Variants in COL19A1 observed in about 807,000 individuals in gnomAD.
COL19A1 encodes collagen alpha-1(XIX) chain.
In COL19A1, 159 loss-of-function variants were observed where a neutral mutation model predicts 190.2. The observed-to-expected ratio is 0.84, with a 90% CI of 0.73 to 0.95. COL19A1 has a LOEUF of 0.95. Among genes scored for constraint, COL19A1 ranks in the 40% least tolerant of loss-of-function variants. The pLI is 0.00. For synonymous variants in COL19A1, 509 were observed against 458.9 expected (o/e 1.11, Z -1.39); for missense variants, 1,418 against 1,431.9 (o/e 0.99, Z 0.16).
At chr6:70,175,505 A>C (rs1765747937) in intron 41 of COL19A1, among the ~76,000 whole-genome samples, 1 of 152,072 alleles carries the variant, frequency 6.6e-6, no homozygotes, top group Admixed American at 6.5e-5. Context: ...TTTTTCAATG[A>C]AATTATCCAA....
At chr6:70,125,856 G>A (rs1785162616) in intron 17 of COL19A1, among the ~76,000 whole-genome samples, 1 of 152,132 alleles carries the variant, frequency 6.6e-6, no homozygotes, top group Admixed American at 6.6e-5. Flanking sequence ...CCAGTAAACT[G>A]CACTTCATTG....
At chr6:70,001,930 C>T (rs1201222974) in intron 11 of COL19A1, among the ~76,000 whole-genome samples, 1 of 152,142 alleles carries the variant, frequency 6.6e-6, no homozygotes, top group Non-Finnish European at 1.5e-5. Flanking sequence ...GAGAGGGCAT[C>T]TGTGTCTTGT....
chr6:70,106,014 G>T (rs577903217), intron 16 of COL19A1, among the ~76,000 whole-genome samples: 1 of 152,086 alleles, frequency 6.6e-6, no homozygotes, highest in Non-Finnish European at 1.5e-5. Flanking sequence ...CAGGAGGCAT[G>T]ATTTTTTTAT....
intron 1 of COL19A1, among the ~76,000 whole-genome samples, chr6:69,876,953 C>A (rs1304275283): frequency 1.3e-5 from 2 of 152,142 alleles, no homozygotes; most frequent in Non-Finnish European, 2.9e-5. Context: ...ATTGCAATTG[C>A]CACTTCTAGC....
chr6:70,067,133 C>A (rs1781281234), intron 14 of COL19A1, among the ~76,000 whole-genome samples: 2 of 152,128 alleles, frequency 1.3e-5, no homozygotes, highest in Non-Finnish European at 1.5e-5. Context: ...CACTAGGAGA[C>A]TGAAACAAGG....
chr6:69,942,160 A>G (rs567248261), intron 9 of COL19A1, among the ~76,000 whole-genome samples: 13 of 152,330 alleles, frequency 8.5e-5, no homozygotes, highest in African/African-American at 3.1e-4. Context: ...AAGATTTGAG[A>G]ATACAACTTC....
chr6:70,167,922 T>C (rs1381162974), intron 37 of COL19A1, 103 bp from the exon 38 acceptor site: 2 of 828,590 alleles, frequency 2.4e-6, no homozygotes, highest in Non-Finnish European at 3.7e-6. Flanking sequence ...TAGAAAAAAG[T>C]AAAAAATAGA....
At chr6:69,923,038 A>G (rs1447683706) in intron 4 of COL19A1, among the ~76,000 whole-genome samples, 1 of 152,194 alleles carries the variant, frequency 6.6e-6, no homozygotes, top group Non-Finnish European at 1.5e-5. Flanking sequence ...TGTTTTTATT[A>G]TCTTTTGCTT....
At chr6:70,023,927 G>A (rs1024019986) in intron 12 of COL19A1, among the ~76,000 whole-genome samples, 1 of 152,086 alleles carries the variant, frequency 6.6e-6, no homozygotes, top group African/African-American at 2.4e-5. Flanking sequence ...TTTCTTGCTT[G>A]CAAATTTTCT....
chr6:70,160,718 G>A (rs1227167288), intron 34 of COL19A1, among the ~76,000 whole-genome samples: 1 of 152,046 alleles, frequency 6.6e-6, no homozygotes, highest in Non-Finnish European at 1.5e-5. Flanking sequence ...TGATAATCCA[G>A]AATTCTAAAA....
At chr6:69,878,890 A>G (rs1338107341) in intron 1 of COL19A1, among the ~76,000 whole-genome samples, 1 of 152,210 alleles carries the variant, frequency 6.6e-6, no homozygotes, top group Non-Finnish European at 1.5e-5. Flanking sequence ...GAAGTTCTGA[A>G]ACAATGTACA....
At chr6:70,119,427 C>T (rs373606288) in intron 16 of COL19A1, among the ~76,000 whole-genome samples, 5 of 152,076 alleles carry the variant, frequency 3.3e-5, no homozygotes, top group Admixed American at 2.0e-4. Context: ...AGAAGTGCTA[C>T]GTAGAAGTTT....
In COL19A1 at chr6:70,209,917, T is replaced by C. The variant is rs1302937487; in HGVS notation, c.*2643T>C. 3 of 152,158 alleles carry C rather than the reference T, an allele frequency of 2.0e-5. No homozygotes were observed. The highest frequency in any genetic ancestry group is 4.4e-5 in the Non-Finnish European group (3 of 67,996). The allele number at this position is 152,158 out of a possible 1,614,324, so 9.4% of individuals were successfully genotyped here. On this transcript the variant is annotated 3_prime_UTR_variant, in exon 51 of 51. Coordinates refer to ENST00000620364, the MANE Select transcript of COL19A1 (RefSeq NM_001858.6). Reference sequence around the variant, plus strand: ...TTCGGCAGTTGCCCAATTCCTTTAATAAAAAGAAACTAAATAATTTGGGCC... The same window carrying C: ...TTCGGCAGTTGCCCAATTCCTTTAACAAAAAGAAACTAAATAATTTGGGCC...
At chr6:70,113,579 T>C (rs1334387754) in intron 16 of COL19A1, among the ~76,000 whole-genome samples, 1 of 152,192 alleles carries the variant, frequency 6.6e-6, no homozygotes, top group Non-Finnish European at 1.5e-5. Context: ...TCTTCCACCA[T>C]CTTATAAGCG....
chr6:69,916,850 A>G (rs1315154124), intron 4 of COL19A1, among the ~76,000 whole-genome samples: 4 of 152,232 alleles, frequency 2.6e-5, no homozygotes, highest in Non-Finnish European at 5.9e-5. Context: ...GAAAGCTCAA[A>G]AAGATACAAG....
chr6:70,164,734 T>C (rs1465271475), intron 36 of COL19A1, among the ~76,000 whole-genome samples: 1 of 152,208 alleles, frequency 6.6e-6, no homozygotes, highest in Non-Finnish European at 1.5e-5. Flanking sequence ...TCCTTGTTTG[T>C]TGACTCATTA....
chr6:70,163,363 A>G lies in COL19A1; in HGVS notation c.2367A>G (p.Gly789=). 3 of 1,612,586 alleles carry G rather than the reference A, an allele frequency of 1.9e-6. No individual in the cohort carries two copies. The highest frequency in any genetic ancestry group is 1.7e-6 in the Non-Finnish European group (2 of 1,179,184). ...TACAGGGCTTAATGGGAAGAACTGG[A>G]CATCCTGGTCCCACAGGAGCAAAAG... is the stretch of plus-strand genomic sequence containing the variant. The part of the protein sequence containing the change: ...TGPPGLMGRT[G]HPGPTGAKGE... The change falls in exon 36 of 51, where the codon GGA becomes GGG. Residue 789 remains glycine, a synonymous_variant. Coordinates refer to ENST00000620364, the MANE Select transcript of COL19A1 (RefSeq NM_001858.6).
chr6:70,048,503 C>T (rs771518399), intron 14 of COL19A1, among the ~76,000 whole-genome samples: 7 of 151,940 alleles, frequency 4.6e-5, no homozygotes, highest in East Asian at 1.9e-4. Context: ...AGAAAACCTA[C>T]GTGGTTTAAG....
At chr6:69,921,120 T>C in intron 4 of COL19A1, among the ~76,000 whole-genome samples, 1 of 113,176 alleles carries the variant, frequency 8.8e-6, no homozygotes, top group African/African-American at 3.6e-5. Context: ...TACATATATA[T>C]CACATATGTA....
Sources: gnomAD v4.1 joint callset for allele counts (sites outside exome capture counted in the v4.1 genomes callset) on GRCh38, gnomAD v4.1.1 for gene constraint, MANE v1.5 for transcripts, NCBI Gene and HGNC (gene_info 2026-07-23, HGNC 2026-07-21) for gene names.